The following C1QTNF3 variants were observed in gnomAD, a reference collection of about 807,000 sequenced individuals.
C1QTNF3 encodes complement C1q tumor necrosis factor-related protein 3.
A neutral mutation model predicts 32.6 loss-of-function variants in C1QTNF3; 26 were observed. That is an observed-to-expected ratio of 0.80 (90% CI 0.58 to 1.11). C1QTNF3 has a LOEUF of 1.11. C1QTNF3 is among the 50% of genes least tolerant of loss of function. The pLI, the probability that C1QTNF3 is intolerant of heterozygous loss-of-function variation, is 0.00. For synonymous variants in C1QTNF3, 155 were observed against 146.0 expected, an observed-to-expected ratio of 1.06 and a Z score of -0.44; for missense variants, 362 against 398.2, an observed-to-expected ratio of 0.91 and a Z score of 0.77.
chr5:34,218,049 A>G, the C1QTNF3 span, among the ~76,000 whole-genome samples: 1 of 150,590 alleles, frequency 6.6e-6, no homozygotes, highest in Non-Finnish European at 1.5e-5. Context: ...CAACATGTTC[A>G]GTTTGATAGT....
At chr5:34,236,515 T>C in the C1QTNF3 span, among the ~76,000 whole-genome samples, 1 of 151,368 alleles carries the variant, frequency 6.6e-6, no homozygotes, top group East Asian at 1.9e-4. Context: ...AGTCTGCCAC[T>C]TTGTGAATAT....
chr5:34,047,266 T>C (rs1161065532), upstream of C1QTNF3, among the ~76,000 whole-genome samples: 2 of 152,244 alleles, frequency 1.3e-5, no homozygotes, highest in Non-Finnish European at 2.9e-5. Context: ...GTTAGGACGT[T>C]GGCAGGGCCA....
chr5:34,238,561 T>C, the C1QTNF3 span, among the ~76,000 whole-genome samples: 1 of 151,900 alleles, frequency 6.6e-6, no homozygotes, highest in Non-Finnish European at 1.5e-5. Flanking sequence ...GTTCGTTCAA[T>C]CAACTGAGTC....
chr5:34,120,251 T>C, the C1QTNF3 span, among the ~76,000 whole-genome samples: 2 of 152,324 alleles, frequency 1.3e-5, no homozygotes, highest in South Asian at 4.1e-4. Flanking sequence ...ATATTTCTAC[T>C]CTTGATTTGT....
the C1QTNF3 span, among the ~76,000 whole-genome samples, chr5:34,140,120 G>A: frequency 1.3e-5 from 2 of 152,132 alleles, no homozygotes; most frequent in Non-Finnish European, 2.9e-5. Flanking sequence ...ATGACTCAGC[G>A]GAGAGTTGAA....
At chr5:34,033,249 C>G (rs916940819) in intron 3 of C1QTNF3, 55 bp downstream of exon 3, 2 of 1,581,328 alleles carry the variant, frequency 1.3e-6, no homozygotes, top group Non-Finnish European at 1.7e-6. Context: ...ATTCCTGGCC[C>G]CTTTTGGTCA....
chr5:34,213,815 TTTTTTTTGTGTG>T, the C1QTNF3 span, among the ~76,000 whole-genome samples: 55 of 2,244 alleles, frequency 0.025, 8 homozygotes, highest in East Asian at 0.13. Context: ...ATATATTTTT[TTTTTTTTGTGTG>T]TGTGATGGAG....
the C1QTNF3 span, among the ~76,000 whole-genome samples, chr5:34,154,543 T>A: frequency 1.3e-5 from 2 of 152,230 alleles, no homozygotes. Context: ...ATGGCTTACA[T>A]CTTTAGAGGA....
the C1QTNF3 span, among the ~76,000 whole-genome samples, chr5:34,102,959 A>G: frequency 7.4e-5 from 3 of 40,468 alleles, no homozygotes; most frequent in Non-Finnish European, 3.2e-4. Context: ...GTGCACATGT[A>G]CCCTAGAACT....
At chr5:34,096,027 CTAAAGTTTTAGCATTTCT>C in the C1QTNF3 span, among the ~76,000 whole-genome samples, 3 of 151,794 alleles carry the variant, frequency 2.0e-5, no homozygotes, top group African/African-American at 7.3e-5. Flanking sequence ...CCCAATGACC[CTAAAGTTTTAGCATTTCT>C]TAAGTATTCT....
the C1QTNF3 span, among the ~76,000 whole-genome samples, chr5:34,147,055 C>CG: frequency 6.6e-6 from 1 of 152,198 alleles, no homozygotes; most frequent in African/African-American, 2.4e-5. Flanking sequence ...AAAAGTTCAA[C>CG]ATCACTAATC....
the C1QTNF3 span, among the ~76,000 whole-genome samples, chr5:34,073,219 A>C: frequency 6.6e-6 from 1 of 151,856 alleles, no homozygotes; most frequent in Admixed American, 6.6e-5. Flanking sequence ...CCCAGCTACT[A>C]GGGAAGCTGA....
the C1QTNF3 span, among the ~76,000 whole-genome samples, chr5:34,115,440 T>G: frequency 7.9e-5 from 12 of 152,076 alleles, no homozygotes; most frequent in African/African-American, 2.9e-4. Context: ...TGGAAAAACT[T>G]CAGCTGGTGG....
At chr5:34,236,033 G>A in the C1QTNF3 span, among the ~76,000 whole-genome samples, 2 of 151,998 alleles carry the variant, frequency 1.3e-5, no homozygotes, top group Non-Finnish European at 2.9e-5. Context: ...CTGTAGAATT[G>A]GCCACTCCAG....
chr5:34,040,519 G>GA (rs532634540), intron 1 of C1QTNF3, among the ~76,000 whole-genome samples: 15 of 151,982 alleles, frequency 9.9e-5, no homozygotes, highest in Non-Finnish European at 2.1e-4. Context: ...AAAATACCAG[G>GA]AAAAAAGAGC....
chr5:34,210,789 A>G, the C1QTNF3 span, among the ~76,000 whole-genome samples: 2 of 152,096 alleles, frequency 1.3e-5, no homozygotes, highest in Non-Finnish European at 2.9e-5. Flanking sequence ...TCCCTAAAAC[A>G]TAATTCAGAA....
Position 34,043,024 on chromosome 5 carries a change from A to G in C1QTNF3, c.102T>C (p.Asn34=). Residue 34 remains asparagine (N), a synonymous_variant, in exon 1 of 6, where the codon AAT becomes AAC. Transcript: ENST00000382065. ...DEYMEVSGRT[N]KVVARIVQSH... ...TTTGCACTATTCTTGCCACCACTTT[A>G]TTAGTTCTTCCGCTCACCTCCATGT... 6.2e-7 allele frequency: 1 copy of G among 1,614,144 alleles called. No homozygotes were observed. The highest frequency in any genetic ancestry group is 8.5e-7 in the Non-Finnish European group (1 of 1,180,028).
the C1QTNF3 span, among the ~76,000 whole-genome samples, chr5:34,194,921 G>C: frequency 3.4e-5 from 5 of 147,654 alleles, no homozygotes; most frequent in African/African-American, 1.3e-4. Context: ...ATTGTGTAAG[G>C]AATAAGGACA....
chr5:34,135,375 T>C, the C1QTNF3 span, among the ~76,000 whole-genome samples: 1 of 152,238 alleles, frequency 6.6e-6, no homozygotes, highest in East Asian at 1.9e-4. Context: ...GGTCTAAAAT[T>C]CTCTTATTTT....
Sources: gnomAD v4.1 joint callset for allele counts (sites outside exome capture counted in the v4.1 genomes callset) on GRCh38, gnomAD v4.1.1 for gene constraint, MANE v1.5 for transcripts, NCBI Gene and HGNC (gene_info 2026-07-23, HGNC 2026-07-21) for gene names.